Variants in TREML4 observed in about 807,000 individuals in gnomAD.
TREML4 encodes the protein triggering receptor expressed on myeloid cells like 4.
In TREML4, 25 loss-of-function variants were observed where a neutral mutation model predicts 25.4. That is an observed-to-expected ratio of 0.98 (90% CI 0.72 to 1.37). The LOEUF (loss-of-function observed/expected upper bound fraction) is 1.37. TREML4 is among the 40% of genes most tolerant of loss of function. The probability of loss-of-function intolerance (pLI) is 0.00; values close to 1 mark genes in which losing one functional copy is unlikely to be tolerated. For missense variants in TREML4, 268 were observed against 236.5 expected, an observed-to-expected ratio of 1.13 and a Z score of -0.87; for synonymous variants, 92 against 87.9, an observed-to-expected ratio of 1.05 and a Z score of -0.26.
chr6:41,229,555 G>T lies in TREML4; in HGVS notation c.429G>T (p.Trp143Cys). The T allele has an allele frequency of 6.2e-7, 1 of 1,613,666 alleles. No homozygotes were observed. The highest frequency in any genetic ancestry group is 2.2e-5 in the East Asian group (1 of 44,844). ...PTTSPMWTLPWLPTSTVLITS... is the reference protein window; with the variant it reads ...PTTSPMWTLPCLPTSTVLITS... ...CGTCTCCTATGTGGACTCTTCCCTGGCTCCCAACAAGCACAGGTAGGTTGG... is the reference window on the plus strand; with the variant it reads ...CGTCTCCTATGTGGACTCTTCCCTGTCTCCCAACAAGCACAGGTAGGTTGG... Residue 143 changes from tryptophan to cysteine, a missense_variant, in exon 3 of 6, where the codon TGG becomes TGT. Trp to Cys is a radical substitution (Grantham distance 215). Transcript: ENST00000341495.
At chr6:41,230,145 G>A (rs773796678) in intron 4 of TREML4, 23 bp downstream of exon 4, 3 of 1,586,262 alleles carry the variant, frequency 1.9e-6, no homozygotes, top group Non-Finnish European at 2.6e-6. Flanking sequence ...TTTTAACACT[G>A]GGAGGGAGGT....
chr6:41,229,454 G>A (rs1766743554), intron 2 of TREML4, 67 bp from the exon 3 acceptor site: 3 of 1,562,626 alleles, frequency 1.9e-6, no homozygotes, highest in Admixed American at 3.3e-5. Context: ...CTCCTCTTAT[G>A]TATGGGGTAG....
At position 41,236,644 on chromosome 6, in the gene TREML4, G is replaced by A. The variant is rs1360495658; in HGVS notation, c.*35+27G>A. On this transcript the variant is annotated intron_variant, in intron 5 of 5. Transcript: ENST00000341495. The stretch of plus-strand genomic sequence containing the variant: ...TGAGGGGGCCTGGATTTCACCTGGG[G>A]GCAATGGAGCTGGGGCCAGATTCTG... The A allele has an allele frequency of 6.7e-6, 9 of 1,348,074 alleles. No homozygotes were observed. In the African/African-American group the frequency reaches 7.2e-5, roughly 11 times the overall value. The allele number at this position is 1,348,074 out of a possible 1,614,324, so 83.5% of individuals were successfully genotyped here. A position where few individuals can be genotyped will look rare whatever the true frequency, so the allele number is the denominator to read the frequency against.
At chr6:41,235,027 C>T (rs9394774) in intron 4 of TREML4, among the ~76,000 whole-genome samples, 1 of 151,858 alleles carries the variant, frequency 6.6e-6, no homozygotes, top group African/African-American at 2.4e-5. Context: ...TGATTATAAT[C>T]GAGGAGAGTC....
In TREML4 at chr6:41,229,011, G is replaced by C; in HGVS notation, c.361G>C (p.Val121Leu). Residue 121 changes from valine (V) to leucine (L), a missense_variant, in exon 2 of 6, where the codon GTT becomes CTT. Physicochemically the swap from Val to Leu is conservative, Grantham distance 32 (BLOSUM62 1). Transcript: ENST00000341495. ...IYNASENIITVLRNISLVVSP... is the reference protein window; with the variant it reads ...IYNASENIITLLRNISLVVSP... ...CAACGCTTCCGAAAACATCATCACT[G>C]TTCTTAGAAATATCAGCCTGGTGGT... 10 of 1,613,998 alleles carry C rather than the reference G, an allele frequency of 6.2e-6. No individual in the cohort carries two copies. Among genetic ancestry groups the C allele is most frequent in the Non-Finnish European group, 8.5e-6 (10 of 1,179,920 alleles).
intron 4 of TREML4, among the ~76,000 whole-genome samples, chr6:41,231,387 G>A (rs531124056): frequency 2.6e-5 from 4 of 151,812 alleles, no homozygotes; most frequent in East Asian, 3.9e-4. Flanking sequence ...TACCAGATCC[G>A]TATCTAATAT....
Position 41,230,141 on chromosome 6 carries a change from C to T in TREML4, c.506+19C>T. The T allele has an allele frequency of 5.6e-6, 9 of 1,594,208 alleles. No homozygotes were observed. Among genetic ancestry groups the T allele is most frequent in the Non-Finnish European group, 7.7e-6 (9 of 1,162,080 alleles). Reference sequence around the variant, plus strand: ...AGACCAGGTAGGTCAGAGGTTTTAACACTGGGAGGGAGGTCTTGGGAAGGG... The same window carrying T: ...AGACCAGGTAGGTCAGAGGTTTTAATACTGGGAGGGAGGTCTTGGGAAGGG... On this transcript the variant is annotated intron_variant, in intron 4 of 5. Transcript: ENST00000341495.
intron 4 of TREML4, among the ~76,000 whole-genome samples, chr6:41,235,826 G>A (rs941914794): frequency 6.6e-6 from 1 of 152,154 alleles, no homozygotes; most frequent in Non-Finnish European, 1.5e-5. Context: ...GAAGATACAT[G>A]AGTAGCTAAG....
intron 4 of TREML4, chr6:41,231,126 T>C (rs1281668006): frequency 1.1e-5 from 5 of 441,680 alleles, no homozygotes; most frequent in African/African-American, 8.0e-5. Context: ...CCACAGATTC[T>C]ACATTATGTT....
chr6:41,230,677 C>T (rs1293057243), intron 4 of TREML4, among the ~76,000 whole-genome samples: 1 of 152,172 alleles, frequency 6.6e-6, no homozygotes, highest in Non-Finnish European at 1.5e-5. Context: ...AGAGCATTTG[C>T]TCCGTAGCCC....
At chr6:41,230,155 T>C (rs1046581226) in intron 4 of TREML4, 33 bp downstream of exon 4, 5 of 1,560,928 alleles carry the variant, frequency 3.2e-6, no homozygotes, top group Non-Finnish European at 4.4e-6. Flanking sequence ...GGGAGGGAGG[T>C]CTTGGGAAGG....
chr6:41,230,030 G>A (rs988233096), intron 3 of TREML4, 32 bp from the exon 4 acceptor site: 5 of 1,573,208 alleles, frequency 3.2e-6, no homozygotes, highest in Non-Finnish European at 1.8e-6. Flanking sequence ...TGGTGCCCTG[G>A]GCAGCCACTG....
Position 41,229,588 on chromosome 6 carries a change from G to A in TREML4, c.445+17G>A, listed in dbSNP as rs111992965. 126 of 1,613,384 alleles carry A rather than the reference G, an allele frequency of 7.8e-5. No homozygotes were observed. The highest frequency in any genetic ancestry group is 5.3e-4 in the Admixed American group (32 of 59,968). On this transcript the variant is annotated intron_variant, in intron 3 of 5. Coordinates refer to ENST00000341495, the MANE Select transcript of TREML4 (RefSeq NM_198153.3). ...CAAGCACAGGTAGGTTGGAGGCCTCGGTGGGGGAAGATTAGAAGGGTCACC... is the reference window on the plus strand; with the variant it reads ...CAAGCACAGGTAGGTTGGAGGCCTCAGTGGGGGAAGATTAGAAGGGTCACC...
At chr6:41,233,150 C>T (rs9357349) in intron 4 of TREML4, among the ~76,000 whole-genome samples, 51,435 of 152,032 alleles carry the variant, frequency 0.34, 8,683 homozygotes, top group Middle Eastern at 0.43. Context: ...CCCTTTCATC[C>T]AGCAAAATAA....
chr6:41,231,597 G>A (rs1178053917), intron 4 of TREML4, among the ~76,000 whole-genome samples: 1 of 151,914 alleles, frequency 6.6e-6, no homozygotes, highest in East Asian at 1.9e-4. Context: ...GGATCATGAG[G>A]ACGATCCATT....
At chr6:41,235,113 G>GA (rs912064746) in intron 4 of TREML4, among the ~76,000 whole-genome samples, 13 of 151,980 alleles carry the variant, frequency 8.6e-5, no homozygotes, top group Admixed American at 5.9e-4. Flanking sequence ...TAAACTACAG[G>GA]AAAAAAGTCA....
chr6:41,229,126 C>T, intron 2 of TREML4, 82 bp downstream of exon 2: 1 of 1,241,386 alleles, frequency 8.1e-7, no homozygotes, highest in Non-Finnish European at 1.1e-6. Flanking sequence ...TCCCATGCCT[C>T]TATCATCCCC....
Position 41,236,551 on chromosome 6 carries a change from G to C in TREML4, c.572G>C (p.Gly191Ala). ...GPRFLVLVLC[G>A]LLLAKGLML ...AGATTCCTGGTCTTGGTGCTATGTG[G>C]ACTCCTCCTGGCCAAGGGCCTGATG... Residue 191 changes from glycine to alanine, a missense_variant, in exon 5 of 6, where the codon GGA (glycine) becomes GCA (alanine). By Grantham distance (60) the Gly-to-Ala change is moderately conservative. Transcript: ENST00000341495. The C allele has an allele frequency of 6.2e-7, 1 of 1,614,080 alleles. No homozygotes were observed. Among genetic ancestry groups the C allele is most frequent in the South Asian group, 1.1e-5 (1 of 91,080 alleles).
At position 41,228,379 on chromosome 6, in the gene TREML4, C is replaced by CTCCCTTT; in HGVS notation, c.-47_-41dup. ...CAGCGTCTGACTCCTCCTGAGAGGG[C>CTCCCTTT]TCCCTTTTTTCTCCTCTCCTCCGCT... On this transcript the variant is annotated 5_prime_UTR_variant, in exon 1 of 6. Coordinates refer to ENST00000341495, the MANE Select transcript of TREML4 (RefSeq NM_198153.3). 1 of 1,446,682 alleles carries CTCCCTTT rather than the reference C, an allele frequency of 6.9e-7. No individual in the cohort carries two copies. Among genetic ancestry groups the CTCCCTTT allele is most frequent in the Non-Finnish European group, 9.5e-7 (1 of 1,055,966 alleles). The allele number at this position is 1,446,682 out of a possible 1,614,324, so 89.6% of individuals were successfully genotyped here.
Sources: allele counts gnomAD v4.1 joint callset (sites outside exome capture counted in the v4.1 genomes callset), GRCh38; gene constraint gnomAD v4.1.1; transcripts MANE v1.5; gene names NCBI Gene and HGNC (gene_info 2026-07-23, HGNC 2026-07-21).